The following SH2D4A variants were observed in gnomAD, a reference collection of about 807,000 sequenced individuals.
SH2D4A encodes SH2 domain-containing protein 4A.
In SH2D4A, 70 loss-of-function variants were observed where a neutral mutation model predicts 64.7. That is an observed-to-expected ratio of 1.08 (90% confidence interval 0.89 to 1.32). The LOEUF is 1.32. Among genes scored for constraint, SH2D4A ranks in the 40% most tolerant of loss-of-function variants. The probability of loss-of-function intolerance (pLI) is 0.00; values close to 1 mark genes in which losing one functional copy is unlikely to be tolerated. For synonymous variants in SH2D4A, 268 were observed against 200.7 expected, an observed-to-expected ratio of 1.34 and a Z score of -2.83; for missense variants, 706 against 540.1, an observed-to-expected ratio of 1.31 and a Z score of -3.04.
At chr8:19,348,739 C>T (rs17128247) in intron 4 of SH2D4A, among the ~76,000 whole-genome samples, 14,183 of 152,200 alleles carry the variant, frequency 0.093, 787 homozygotes, top group African/African-American at 0.14. Flanking sequence ...CTGTCACTTG[C>T]GCTTCAGGTT....
intron 2 of SH2D4A, among the ~76,000 whole-genome samples, chr8:19,324,682 G>T (rs1449108436): frequency 6.6e-6 from 1 of 152,074 alleles, no homozygotes; most frequent in Non-Finnish European, 1.5e-5. Context: ...TATTCCCCAG[G>T]GGGTGCCTCA....
At chr8:19,375,392 G>A (rs371392090) in intron 8 of SH2D4A, 1 of 152,144 alleles carries the variant, frequency 6.6e-6, no homozygotes, top group African/African-American at 2.4e-5. Context: ...CCCTTTATAG[G>A]TTTATCATCT....
intron 4 of SH2D4A, among the ~76,000 whole-genome samples, chr8:19,356,415 C>T (rs766728005): frequency 1.3e-4 from 20 of 152,226 alleles, no homozygotes; most frequent in Non-Finnish European, 2.4e-4. Flanking sequence ...ATATACTTTG[C>T]GGTAATGTGG....
intron 6 of SH2D4A, among the ~76,000 whole-genome samples, chr8:19,363,048 C>G (rs1318280487): frequency 1.3e-5 from 2 of 151,994 alleles, no homozygotes; most frequent in Non-Finnish European, 2.9e-5. Context: ...CATATTTTTA[C>G]TATACCTTTG....
chr8:19,374,490 G>A (rs2053161141), intron 8 of SH2D4A, among the ~76,000 whole-genome samples: 1 of 152,290 alleles, frequency 6.6e-6, no homozygotes, highest in African/African-American at 2.4e-5. Flanking sequence ...TTTGCATTAT[G>A]TTTAAGGCAT....
At chr8:19,337,519 T>A (rs1013154362) in intron 4 of SH2D4A, among the ~76,000 whole-genome samples, 24 of 152,008 alleles carry the variant, frequency 1.6e-4, no homozygotes, top group African/African-American at 5.6e-4. Flanking sequence ...CAAGTGTCCT[T>A]ATAAGAGGAG....
chr8:19,357,184 T>C lies in SH2D4A; in HGVS notation c.514-19T>C, dbSNP rs1467375036. ...ACTGCAGCTCCAAATGCCATAAATG[T>C]GTTTCGTTTAATTTTTAGTCACTCT... On this transcript the variant is annotated intron_variant, in intron 4 of 9. Transcript: ENST00000265807. 1.3e-6 allele frequency: 2 copies of C among 1,584,280 alleles called. No homozygotes were observed. Among genetic ancestry groups the C allele is most frequent in the African/African-American group, 2.7e-5 (2 of 74,272 alleles).
At chr8:19,388,977 C>T (rs59842230) in intron 8 of SH2D4A, among the ~76,000 whole-genome samples, 11,264 of 152,186 alleles carry the variant, frequency 0.074, 461 homozygotes, top group African/African-American at 0.099. Context: ...TAGCTGAGTA[C>T]ACAGATGGAG....
chr8:19,353,317 C>G (rs1455003938), intron 4 of SH2D4A, among the ~76,000 whole-genome samples: 1 of 151,818 alleles, frequency 6.6e-6, no homozygotes, highest in East Asian at 1.9e-4. Context: ...TGAGGTATAC[C>G]CTCTGATATT....
At chr8:19,368,651 T>C (rs2053044039) in intron 7 of SH2D4A, among the ~76,000 whole-genome samples, 1 of 149,618 alleles carries the variant, frequency 6.7e-6, no homozygotes, top group South Asian at 2.1e-4. Flanking sequence ...CCATTGTTGA[T>C]GCATAGAGAT....
At chr8:19,333,232 C>A in intron 3 of SH2D4A, 118 bp downstream of exon 3, 2 of 1,153,238 alleles carry the variant, frequency 1.7e-6, no homozygotes, top group South Asian at 1.9e-5. Context: ...TGGAGGGTCA[C>A]AAAAGTCACT....
In SH2D4A at chr8:19,338,394, C is replaced by T. The variant is rs140587337; in HGVS notation, c.513+3537C>T. Among the ~76,000 whole-genome samples, 3 of 152,276 alleles carry T rather than the reference C, an allele frequency of 2.0e-5. No homozygotes were observed. In the East Asian group the frequency reaches 5.8e-4, roughly 29 times the overall value. On this transcript the variant is annotated intron_variant, in intron 4 of 9. Coordinates refer to ENST00000265807, the MANE Select transcript of SH2D4A (RefSeq NM_022071.4). ...TTTAGATCTCTCAGACCCACGAACA[C>T]GTTACTTTACATGGAACAGGGGACT... is the stretch of plus-strand genomic sequence containing the variant.
chr8:19,375,550 A>G (rs2053179583), intron 8 of SH2D4A: 1 of 152,282 alleles, frequency 6.6e-6, no homozygotes, highest in Non-Finnish European at 1.5e-5. Context: ...GGACAAAGTG[A>G]TTGAAGACTG....
intron 4 of SH2D4A, among the ~76,000 whole-genome samples, chr8:19,336,734 G>A (rs373919845): frequency 7.8e-4 from 118 of 152,160 alleles, no homozygotes; most frequent in African/African-American, 2.7e-3. Context: ...AAGCATGGTG[G>A]TGCATGCCTG....
At chr8:19,357,365 C>A in intron 5 of SH2D4A, 82 bp downstream of exon 5, 1 of 1,012,520 alleles carries the variant, frequency 9.9e-7, no homozygotes. Context: ...TAATTAATCT[C>A]ATGCAGAAAT....
intron 2 of SH2D4A, among the ~76,000 whole-genome samples, chr8:19,321,412 C>T (rs756415888): frequency 7.9e-5 from 12 of 152,130 alleles, no homozygotes; most frequent in Non-Finnish European, 1.5e-4. Flanking sequence ...TGGGGTTTCT[C>T]CATGTTGGCC....
At chr8:19,382,381 A>C (rs1352831817) in intron 8 of SH2D4A, among the ~76,000 whole-genome samples, 5 of 152,126 alleles carry the variant, frequency 3.3e-5, no homozygotes, top group Non-Finnish European at 5.9e-5. Flanking sequence ...AGATTTTTCT[A>C]CCTTATGATG....
intron 1 of SH2D4A, among the ~76,000 whole-genome samples, chr8:19,315,866 T>C (rs897838508): frequency 6.6e-6 from 1 of 152,220 alleles, no homozygotes; most frequent in Admixed American, 6.5e-5. Context: ...CCAGGCTCCT[T>C]CGCTTCACAG....
chr8:19,377,529 A>C (rs1427250610), intron 8 of SH2D4A, among the ~76,000 whole-genome samples: 1 of 152,214 alleles, frequency 6.6e-6, no homozygotes, highest in Non-Finnish European at 1.5e-5. Flanking sequence ...ATTGTAATAA[A>C]AATATACAGT....
Sources: allele counts gnomAD v4.1 joint callset (sites outside exome capture counted in the v4.1 genomes callset), GRCh38; gene constraint gnomAD v4.1.1; transcripts MANE v1.5; gene names NCBI Gene and HGNC (gene_info 2026-07-23, HGNC 2026-07-21).